The following FAM98C variants were observed in gnomAD, a reference collection of about 807,000 sequenced individuals.
FAM98C encodes the protein tRNA splicing ligase complex subunit 3C.
A neutral mutation model predicts 41.1 loss-of-function variants in FAM98C; 38 were observed. The ratio of observed to expected loss-of-function variants is 0.92; its 90% CI spans 0.71 to 1.21. The LOEUF (loss-of-function observed/expected upper bound fraction) is 1.21, where lower values mean the gene tolerates loss of function less well. Among genes scored for constraint, FAM98C ranks in the 50% most tolerant of loss-of-function variants. FAM98C has a pLI of 0.00. For missense variants in FAM98C, 493 were observed against 484.7 expected (o/e 1.02, Z -0.16); for synonymous variants, 195 against 216.7 (o/e 0.90, Z 0.88).
intron 7 of FAM98C, 177 bp downstream of exon 7, chr19:38,407,254 C>A (rs112629331): frequency 0.028 from 17,769 of 643,436 alleles, 310 homozygotes; most frequent in South Asian, 0.046. Flanking sequence ...CAGAATGCTT[C>A]CGTGGCTCCC....
chr19:38,405,268 G>C, intron 4 of FAM98C, 76 bp from the exon 5 acceptor site: 2 of 1,557,234 alleles, frequency 1.3e-6, no homozygotes, highest in South Asian at 2.3e-5. Flanking sequence ...TAGGTCCTCA[G>C]GGGTGTGGGG....
At chr19:38,407,320 C>T in intron 7 of FAM98C, 2 of 492,032 alleles carry the variant, frequency 4.1e-6, no homozygotes, top group South Asian at 3.2e-5. Flanking sequence ...ACTTCTCCAG[C>T]TTGGGCTTAA....
At chr19:38,404,044 G>A (rs1200270794) in intron 3 of FAM98C, among the ~76,000 whole-genome samples, 1 of 152,018 alleles carries the variant, frequency 6.6e-6, no homozygotes, top group Non-Finnish European at 1.5e-5. Context: ...GGGATTACAG[G>A]CGCGCGACAC....
chr19:38,408,663 C>T (rs543111341), intron 7 of FAM98C, 88 bp from the exon 8 acceptor site: 3 of 1,574,742 alleles, frequency 1.9e-6, no homozygotes, highest in African/African-American at 1.3e-5. Flanking sequence ...GCTGTTTCTT[C>T]TTCAGCCTCA....
At position 38,403,428 on chromosome 19, in the gene FAM98C, G is replaced by A; in HGVS notation, c.156G>A (p.Thr52=). 1 of 1,424,830 alleles carries A rather than the reference G, an allele frequency of 7.0e-7. No individual in the cohort carries two copies. The highest frequency in any genetic ancestry group is 9.1e-7 in the Non-Finnish European group (1 of 1,101,038). 88.3% of individuals were successfully genotyped at this position (1,424,830 alleles called of 1,614,324 possible). The change falls in exon 2 of 8, where the codon ACG becomes ACA. Residue 52 remains threonine, a synonymous_variant. Coordinates refer to ENST00000252530, the MANE Select transcript of FAM98C (RefSeq NM_174905.4). ...TGCGGCTGGCGGCGGAGCTGGCGACGCTGGGCGCCCTCGAGCAGCAGCGAG... is the reference window on the plus strand; with the variant it reads ...TGCGGCTGGCGGCGGAGCTGGCGACACTGGGCGCCCTCGAGCAGCAGCGAG... ...LCVRLAAELA[T]LGALEQQREA...
intron 3 of FAM98C, among the ~76,000 whole-genome samples, chr19:38,404,184 C>T (rs1381398098): frequency 6.6e-6 from 1 of 152,128 alleles, no homozygotes; most frequent in Non-Finnish European, 1.5e-5. Context: ...GAGCCCACCA[C>T]GCCCGGCCCG....
At position 38,405,348 on chromosome 19, in the gene FAM98C, C is replaced by G. The variant is rs750540471; in HGVS notation, c.560C>G (p.Ser187Ter). Residue 187 changes from serine (S) to a stop codon, truncating the protein, a stop_gained, in exon 5 of 8, where the codon TCA becomes TGA. Transcript: ENST00000252530. LOFTEE classifies it high-confidence loss of function. ...QLLQELHAKISELQPSLPPGS... is the reference protein window; with the variant it reads ...QLLQELHAKI ...TCTGACTTCTTCTCCCATCAGATCT[C>G]AGAGCTGCAGCCTTCTCTGCCCCCA... 1 of 1,613,896 alleles carries G rather than the reference C, an allele frequency of 6.2e-7. No individual in the cohort carries two copies. Among genetic ancestry groups the G allele is most frequent in the Non-Finnish European group, 8.5e-7 (1 of 1,179,952 alleles).
rs1971051909 is a variant in FAM98C at position 38,407,157 on chromosome 19, T to A, written c.918+80T>A. On this transcript the variant is annotated intron_variant, in intron 7 of 7. Transcript: ENST00000252530. ...TTCAGCCTCTGCTCCAGTCCAAGTTTCAGACTTACCACCTCTAATCCACCC... is the reference window on the plus strand; with the variant it reads ...TTCAGCCTCTGCTCCAGTCCAAGTTACAGACTTACCACCTCTAATCCACCC... The A allele has an allele frequency of 2.0e-6, 3 of 1,530,764 alleles. No homozygotes were observed. The Admixed American group carries it at 5.1e-5, about 26-fold the overall frequency. The allele number at this position is 1,530,764 out of a possible 1,614,324, so 94.8% of individuals were successfully genotyped here.
intron 7 of FAM98C, 37 bp downstream of exon 7, chr19:38,407,114 T>C: frequency 3.1e-6 from 5 of 1,602,802 alleles, no homozygotes; most frequent in Non-Finnish European, 4.3e-6. Context: ...CTGGCATCCT[T>C]GGCCTTCAGA....
At chr19:38,405,312 C>T (rs1167945979) in intron 4 of FAM98C, 32 bp from the exon 5 acceptor site, 2 of 1,609,302 alleles carry the variant, frequency 1.2e-6, no homozygotes, top group Non-Finnish European at 1.7e-6. Context: ...TCCTCTCTGC[C>T]CCAGTTGGCC....
Position 38,408,971 on chromosome 19 carries a change from G to C in FAM98C, c.*89G>C. On this transcript the variant is annotated 3_prime_UTR_variant, in exon 8 of 8. Coordinates refer to ENST00000252530, the MANE Select transcript of FAM98C (RefSeq NM_174905.4). ...GGGGAGTCCGTTTAAGGCTTTCCTT[G>C]GTATTTGGCACCCAAGCCCCCCATC... 1 of 1,424,234 alleles carries C rather than the reference G, an allele frequency of 7.0e-7. No individual in the cohort carries two copies. The highest frequency in any genetic ancestry group is 9.3e-7 in the Non-Finnish European group (1 of 1,074,094). 88.2% of individuals were successfully genotyped at this position (1,424,234 alleles called of 1,614,324 possible). A position where few individuals can be genotyped will look rare whatever the true frequency, so the allele number is the denominator to read the frequency against.
intron 1 of FAM98C, 55 bp from the exon 2 acceptor site, chr19:38,403,283 G>A: frequency 6.6e-7 from 1 of 1,519,254 alleles, no homozygotes; most frequent in Non-Finnish European, 8.7e-7. Flanking sequence ...GGACGCGGAC[G>A]AAAAGGGATT....
At chr19:38,404,851 G>C (rs992053924) in intron 3 of FAM98C, 57 bp from the exon 4 acceptor site, 34 of 1,599,360 alleles carry the variant, frequency 2.1e-5, no homozygotes, top group Non-Finnish European at 2.9e-5. Context: ...TTTTGACCAA[G>C]ATGGATGAGT....
Position 38,403,594 on chromosome 19 carries a change from C to T in FAM98C, c.249C>T (p.Leu83=), listed in dbSNP as rs11541212. 7 of 1,498,676 alleles carry T rather than the reference C, an allele frequency of 4.7e-6. No individual in the cohort carries two copies. The highest frequency in any genetic ancestry group is 2.3e-5 in the Admixed American group (1 of 43,992). 92.8% of individuals were successfully genotyped at this position (1,498,676 alleles called of 1,614,324 possible). ...CGGAGGAGGACTTTCTGCGGCAGCT[C>T]GGCAGCCTGCTGCGGGAGCTGCACT... ...PGAEEDFLRQ[L]GSLLRELHCP... The change falls in exon 3 of 8, where the codon CTC becomes CTT. Residue 83 remains leucine, a synonymous_variant. Transcript: ENST00000252530.
In FAM98C at chr19:38,403,441, G is replaced by A. The variant is rs754478569; in HGVS notation, c.169G>A (p.Glu57Lys). 30 of 1,414,956 alleles carry A rather than the reference G, an allele frequency of 2.1e-5. No homozygotes were observed. Among genetic ancestry groups the A allele is most frequent in the East Asian group, 3.0e-5 (1 of 33,390 alleles). The allele number at this position is 1,414,956 out of a possible 1,614,324, so 87.7% of individuals were successfully genotyped here. A position where few individuals can be genotyped will look rare whatever the true frequency, so the allele number is the denominator to read the frequency against. The change falls in exon 2 of 8, where the codon GAG becomes AAG. Residue 57 changes from glutamate (E) to lysine (K), a missense_variant. By Grantham distance (56) the Glu-to-Lys change is moderately conservative. Coordinates refer to ENST00000252530, the MANE Select transcript of FAM98C (RefSeq NM_174905.4). ...AAELATLGAL[E>K]QQREAGAEVL... ...GGAGCTGGCGACGCTGGGCGCCCTC[G>A]AGCAGCAGCGAGAGGCGGGCGCGGA... is the stretch of plus-strand genomic sequence containing the variant.
chr19:38,407,157 T>C (rs1971051909), intron 7 of FAM98C, 80 bp downstream of exon 7: 1 of 1,530,764 alleles, frequency 6.5e-7, no homozygotes, highest in Non-Finnish European at 8.9e-7. Flanking sequence ...AGTCCAAGTT[T>C]CAGACTTACC....
rs1350927804 is a variant in FAM98C at position 38,406,980 on chromosome 19, C to A, written c.821C>A (p.Ser274Tyr). ...REVLTPESDI[S>Y]IAHVLAARAD... Reference sequence around the variant, plus strand: ...GTTCTGACCCCAGAATCGGACATCTCCATTGCACACGTTCTGGCTGCCCGA... The same window carrying A: ...GTTCTGACCCCAGAATCGGACATCTACATTGCACACGTTCTGGCTGCCCGA... The change falls in exon 7 of 8, where the codon TCC (serine) becomes TAC (tyrosine). Residue 274 changes from serine to tyrosine, a missense_variant. Ser to Tyr is a moderately radical substitution (Grantham distance 144). Transcript: ENST00000252530. 6.2e-7 allele frequency: 1 copy of A among 1,614,078 alleles called. No homozygotes were observed. Among genetic ancestry groups the A allele is most frequent in the Non-Finnish European group, 8.5e-7 (1 of 1,180,048 alleles).
chr19:38,405,950 G>A lies in FAM98C; in HGVS notation c.750+315G>A, dbSNP rs377346226. 449 of 264,822 alleles carry A rather than the reference G, an allele frequency of 1.7e-3. 4 individuals are homozygous for A. The South Asian group carries it at 0.019, about 11-fold the overall frequency. 16.4% of individuals were successfully genotyped at this position (264,822 alleles called of 1,614,324 possible). ...CAGCTCACTGCAACCTCCGACTCCC[G>A]GGTTCAAGTGATTCTCCTGCCTCAG... is the stretch of plus-strand genomic sequence containing the variant. On this transcript the variant is annotated intron_variant, in intron 6 of 7. Transcript: ENST00000252530.
chr19:38,405,858 C>A, intron 6 of FAM98C: 5 of 482,576 alleles, frequency 1.0e-5, no homozygotes, highest in East Asian at 3.5e-5. Flanking sequence ...CATACCCCAT[C>A]ATTTTTTTTT....
Sources: allele counts gnomAD v4.1 joint callset (sites outside exome capture counted in the v4.1 genomes callset), GRCh38; gene constraint gnomAD v4.1.1; transcripts MANE v1.5; gene names NCBI Gene and HGNC (gene_info 2026-07-23, HGNC 2026-07-21).